The following SYNRG variants were observed in gnomAD, a reference collection of about 807,000 sequenced individuals.
SYNRG encodes the protein synergin gamma.
SYNRG carries 37 observed loss-of-function variants against 130.9 expected under a neutral mutation model. The observed-to-expected ratio is 0.28, with a 90% CI of 0.22 to 0.37. The LOEUF (loss-of-function observed/expected upper bound fraction) is 0.37. Among genes scored for constraint, SYNRG ranks in the 10% least tolerant of loss-of-function variants. The pLI is 1.00. For synonymous variants in SYNRG, 539 were observed against 568.1 expected, an observed-to-expected ratio of 0.95 and a Z score of 0.73; for missense variants, 1,338 against 1,588.9, an observed-to-expected ratio of 0.84 and a Z score of 2.68.
chr17:37,548,954 G>C (rs2058502971), intron 14 of SYNRG, among the ~76,000 whole-genome samples: 2 of 151,748 alleles, frequency 1.3e-5, no homozygotes. Context: ...GACCAACATG[G>C]AGAAACCCCC....
At chr17:37,594,250 T>A (rs1268181045) in intron 3 of SYNRG, among the ~76,000 whole-genome samples, 1 of 145,378 alleles carries the variant, frequency 6.9e-6, no homozygotes, top group Non-Finnish European at 1.5e-5. Context: ...TATTAATTAT[T>A]TTAATTATAT....
At chr17:37,587,496 T>G (rs571784922) in intron 3 of SYNRG, among the ~76,000 whole-genome samples, 7 of 152,344 alleles carry the variant, frequency 4.6e-5, no homozygotes, top group Middle Eastern at 3.4e-3. Flanking sequence ...TTCCTGTAAG[T>G]GGGGAATATT....
chr17:37,582,836 T>A (rs9912433), intron 6 of SYNRG, among the ~76,000 whole-genome samples: 1 of 152,036 alleles, frequency 6.6e-6, no homozygotes, highest in Non-Finnish European at 1.5e-5. Flanking sequence ...ACTAGGGCAA[T>A]AGAATGAGAC....
At chr17:37,553,091 A>T (rs1461503281) in intron 14 of SYNRG, 24 bp downstream of exon 14, 1 of 1,595,030 alleles carries the variant, frequency 6.3e-7, no homozygotes, top group Non-Finnish European at 8.6e-7. Context: ...CACCATCACC[A>T]GAGCAATCTC....
chr17:37,580,538 G>GAGA (rs2061246090), intron 6 of SYNRG, among the ~76,000 whole-genome samples: 1 of 106,508 alleles, frequency 9.4e-6, no homozygotes, highest in African/African-American at 3.6e-5. Flanking sequence ...AGAGAGAGAC[G>GAGA]GAGTCTTGCT....
At chr17:37,607,977 A>AAAAAAAAAAAAAAAAAAAAAG (rs1555802869) in intron 1 of SYNRG, among the ~76,000 whole-genome samples, 1 of 121,608 alleles carries the variant, frequency 8.2e-6, no homozygotes, top group Non-Finnish European at 1.6e-5. Flanking sequence ...AAAAAAAAAA[A>AAAAAAAAAAAAAAAAAAAAAG]AAACAAGACA....
intron 11 of SYNRG, chr17:37,568,043 C>T (rs1172845567): frequency 1.3e-5 from 2 of 152,160 alleles, no homozygotes; most frequent in Non-Finnish European, 2.9e-5. Context: ...GAAACCCCAT[C>T]TCTACTAAAA....
At chr17:37,572,156 G>A (rs1361359506) in intron 8 of SYNRG, among the ~76,000 whole-genome samples, 169 bp from the exon 9 acceptor site, 1 of 152,172 alleles carries the variant, frequency 6.6e-6, no homozygotes, top group East Asian at 1.9e-4. Context: ...AGCTGGGCGT[G>A]GTGGCTCACG....
rs528443954 is a variant in SYNRG at position 37,518,819 on chromosome 17, G to A, written c.*121C>T. The A allele has an allele frequency of 6.3e-6, 9 of 1,421,758 alleles. No individual in the cohort carries two copies. The highest frequency in any genetic ancestry group is 4.3e-5 in the South Asian group (3 of 69,214). The allele number at this position is 1,421,758 out of a possible 1,614,324, so 88.1% of individuals were successfully genotyped here. A position where few individuals can be genotyped will look rare whatever the true frequency, so the allele number is the denominator to read the frequency against. ...GGATGACGGGGGCCCCGTCCCTTGC[G>A]GTGTTCTTCATATCGATTCAGGGAA... On this transcript the variant is annotated 3_prime_UTR_variant, in exon 22 of 22. Transcript: ENST00000612223.
Position 37,571,890 on chromosome 17 carries a change from T to C in SYNRG, c.999A>G (p.Glu333=). Residue 333 remains glutamate (E), a synonymous_variant, in exon 9 of 22, where the codon GAA becomes GAG. Transcript: ENST00000612223. ...PILMSSGLPR[E]TLGQIWALAN... is the part of the protein sequence containing the mutation. ...CTAAGGCCCATATCTGTCCAAGAGT[T>C]TCCCTGGGAAGCCCAGATGACATCA... 1 of 1,614,208 alleles carries C rather than the reference T, an allele frequency of 6.2e-7. No individual in the cohort carries two copies. Among genetic ancestry groups the C allele is most frequent in the Non-Finnish European group, 8.5e-7 (1 of 1,180,024 alleles).
intron 11 of SYNRG, among the ~76,000 whole-genome samples, chr17:37,565,773 G>A (rs1245141745): frequency 1.4e-5 from 2 of 142,550 alleles, no homozygotes; most frequent in Middle Eastern, 5.0e-3. Context: ...CTGCCCGGCC[G>A]CCCCGTCTGA....
chr17:37,579,224 C>CT, intron 6 of SYNRG: 1 of 1,273,746 alleles, frequency 7.9e-7, no homozygotes, highest in South Asian at 1.3e-5. Flanking sequence ...TGGACTCTGA[C>CT]TTGGAGGGAG....
chr17:37,561,394 C>T (rs964501016), intron 12 of SYNRG, 77 bp downstream of exon 12: 12 of 1,454,558 alleles, frequency 8.2e-6, no homozygotes, highest in Non-Finnish European at 1.2e-5. Context: ...CACAGAAGAC[C>T]ACCACTTAAA....
At chr17:37,580,510 T>TGTGAGA (rs1384344164) in intron 6 of SYNRG, among the ~76,000 whole-genome samples, 23 of 127,658 alleles carry the variant, frequency 1.8e-4, no homozygotes, top group African/African-American at 8.0e-4. Flanking sequence ...TGTGTGTGTG[T>TGTGAGA]GAGAGAGAGA....
chr17:37,544,264 T>C lies in SYNRG; in HGVS notation c.2609-1699A>G, dbSNP rs2058055205. ...GTGGTGCAATGGTACCCTTCAAATG[T>C]GGTTTATAAAACAGAAGGAAAAAAC... On this transcript the variant is annotated intron_variant, in intron 14 of 21. Transcript: ENST00000612223. Among the ~76,000 whole-genome samples the C allele has an allele frequency of 1.3e-5, 2 of 151,556 alleles. 1 individual carries two copies. The highest frequency in any genetic ancestry group is 4.2e-4 in the South Asian group (2 of 4,790).
intron 1 of SYNRG, among the ~76,000 whole-genome samples, chr17:37,604,516 G>C (rs1490409536): frequency 6.6e-6 from 1 of 152,140 alleles, no homozygotes; most frequent in Non-Finnish European, 1.5e-5. Context: ...TTGGCTTAAG[G>C]GAATGTTAAG....
At chr17:37,601,994 C>CT (rs1227783528) in intron 1 of SYNRG, among the ~76,000 whole-genome samples, 9 of 151,448 alleles carry the variant, frequency 5.9e-5, no homozygotes, top group African/African-American at 2.4e-5. Flanking sequence ...TAAGCCTGGG[C>CT]GACAGAGTGA....
Position 37,541,962 on chromosome 17 carries a change from A to G in SYNRG, c.3202+10T>C. 3 of 1,603,688 alleles carry G rather than the reference A, an allele frequency of 1.9e-6. No homozygotes were observed. Among genetic ancestry groups the G allele is most frequent in the African/African-American group, 1.3e-5 (1 of 74,550 alleles). ...CCACAATAGTAAAATCTACCTTGGA[A>G]GCTACTCACCTTGAACAGAAAGGTC... On this transcript the variant is annotated intron_variant, in intron 15 of 21. Transcript: ENST00000612223.
intron 3 of SYNRG, among the ~76,000 whole-genome samples, chr17:37,591,070 A>G (rs1195864629): frequency 3.3e-5 from 5 of 152,190 alleles, no homozygotes; most frequent in African/African-American, 9.7e-5. Context: ...TACCCATATT[A>G]AAAAATCCCA....
Sources: allele counts gnomAD v4.1 joint callset (sites outside exome capture counted in the v4.1 genomes callset), GRCh38; gene constraint gnomAD v4.1.1; transcripts MANE v1.5; gene names NCBI Gene and HGNC (gene_info 2026-07-23, HGNC 2026-07-21).